Variants in ADK observed in about 807,000 individuals in gnomAD.
ADK encodes N6,N6-dimethyladenosine kinase.
Under a neutral mutation model 44.7 loss-of-function variants are expected in ADK, and 24 were observed. The ratio of observed to expected loss-of-function variants is 0.54; its 90% CI spans 0.39 to 0.76. The LOEUF is 0.76. Ranked by LOEUF, ADK falls within the 30% of genes least tolerant of loss-of-function variation. The pLI, the probability that ADK is intolerant of heterozygous loss-of-function variation, is 0.00. For synonymous variants in ADK, 128 were observed against 142.6 expected (o/e 0.90, Z 0.73); for missense variants, 321 against 425.1 (o/e 0.76, Z 2.15).
At chr10:74,390,474 TCCA>T (rs931956227) in intron 4 of ADK, among the ~76,000 whole-genome samples, 45 of 152,274 alleles carry the variant, frequency 3.0e-4, no homozygotes, top group African/African-American at 1.0e-3. Flanking sequence ...TTCACATTGA[TCCA>T]CCAATTGTTA....
chr10:74,439,142 C>A (rs1393350658), intron 6 of ADK, among the ~76,000 whole-genome samples: 2 of 152,192 alleles, frequency 1.3e-5, no homozygotes, highest in Non-Finnish European at 1.5e-5. Context: ...TAAAGTTTAT[C>A]AAAAAGGATT....
intron 6 of ADK, among the ~76,000 whole-genome samples, chr10:74,468,984 T>A (rs545361928): frequency 2.6e-5 from 4 of 151,948 alleles, no homozygotes; most frequent in East Asian, 1.9e-4. Flanking sequence ...TGTGTGTGTG[T>A]GAGAGAGAGA....
intron 1 of ADK, among the ~76,000 whole-genome samples, chr10:74,172,689 CAAA>C (rs67914966): frequency 4.7e-4 from 31 of 66,292 alleles, no homozygotes; most frequent in East Asian, 3.8e-3. Flanking sequence ...AACTCCATCT[CAAA>C]AAAAAAAAAA....
chr10:74,598,441 C>T (rs10824209), intron 8 of ADK, among the ~76,000 whole-genome samples: 33,234 of 111,688 alleles, frequency 0.3, 6,939 homozygotes, highest in East Asian at 0.64. Flanking sequence ...AATCTTATTC[C>T]TTTTTTTTTT....
At chr10:74,300,044 TTCG>T (rs1839948564) in intron 3 of ADK, among the ~76,000 whole-genome samples, 2 of 151,694 alleles carry the variant, frequency 1.3e-5, no homozygotes, top group South Asian at 2.1e-4. Context: ...TTTCTTCTTC[TTCG>T]TCTTCTTTTT....
chr10:74,296,044 T>A (rs115792916), intron 3 of ADK, among the ~76,000 whole-genome samples: 1,796 of 150,496 alleles, frequency 0.012, 42 homozygotes, highest in African/African-American at 0.041. Context: ...ATGTATGTTT[T>A]CTATTTCCAC....
At chr10:74,689,843 A>T (rs1365579936) in intron 10 of ADK, among the ~76,000 whole-genome samples, 1 of 152,134 alleles carries the variant, frequency 6.6e-6, no homozygotes, top group East Asian at 1.9e-4. Context: ...AAACTTGTTT[A>T]TTTTTCTTCT....
chr10:74,506,044 C>T (rs1848061264), intron 6 of ADK: 1 of 152,278 alleles, frequency 6.6e-6, no homozygotes, highest in Non-Finnish European at 1.5e-5. Context: ...CCTTTGCTGA[C>T]ATTAAATTCT....
chr10:74,590,022 G>A (rs1457983226), intron 8 of ADK, among the ~76,000 whole-genome samples: 1 of 152,064 alleles, frequency 6.6e-6, no homozygotes, highest in African/African-American at 2.4e-5. Flanking sequence ...GGTTGTTGTT[G>A]GCAAAACTGA....
chr10:74,548,843 G>T (rs1423207305), intron 7 of ADK, among the ~76,000 whole-genome samples: 1 of 152,172 alleles, frequency 6.6e-6, no homozygotes, highest in Admixed American at 6.6e-5. Flanking sequence ...ATAAAGCCAG[G>T]CAACTTGGGA....
At chr10:74,432,265 A>G (rs1845027583) in intron 6 of ADK, among the ~76,000 whole-genome samples, 1 of 152,082 alleles carries the variant, frequency 6.6e-6, no homozygotes, top group African/African-American at 2.4e-5. Flanking sequence ...CTAACCCCCA[A>G]CATAATCCTT....
intron 3 of ADK, among the ~76,000 whole-genome samples, chr10:74,273,216 G>A (rs1035984616): frequency 6.6e-6 from 1 of 151,872 alleles, no homozygotes; most frequent in Non-Finnish European, 1.5e-5. Context: ...GCTCCTTCAG[G>A]CTCTACCTCA....
At chr10:74,686,779 C>T (rs902991043) in intron 10 of ADK, among the ~76,000 whole-genome samples, 2 of 152,044 alleles carry the variant, frequency 1.3e-5, no homozygotes, top group African/African-American at 4.8e-5. Flanking sequence ...CGGGTTCAAG[C>T]GATTACCCTG....
intron 6 of ADK, among the ~76,000 whole-genome samples, chr10:74,463,633 G>T (rs771544562): frequency 2.0e-5 from 3 of 152,180 alleles, no homozygotes; most frequent in African/African-American, 2.4e-5. Context: ...ACAGGCCATG[G>T]ATTTGTATCC....
chr10:74,267,754 T>TGTGTGTGTGTG (rs1846265534), intron 3 of ADK, among the ~76,000 whole-genome samples: 1 of 132,734 alleles, frequency 7.5e-6, no homozygotes, highest in Non-Finnish European at 1.6e-5. Context: ...ATATCCTTAT[T>TGTGTGTGTGTG]TGTGTGTGTG....
chr10:74,653,854 C>A (rs1187379609), intron 9 of ADK, among the ~76,000 whole-genome samples: 1 of 152,186 alleles, frequency 6.6e-6, no homozygotes, highest in African/African-American at 2.4e-5. Flanking sequence ...AAATTGACTT[C>A]ATACTTAGGG....
At chr10:74,678,894 A>G (rs1855500337) in intron 10 of ADK, among the ~76,000 whole-genome samples, 2 of 152,304 alleles carry the variant, frequency 1.3e-5, no homozygotes, top group South Asian at 2.1e-4. Flanking sequence ...AATCTGGTCA[A>G]TTTTACCTGT....
At chr10:74,431,999 C>T (rs1845017284) in intron 6 of ADK, among the ~76,000 whole-genome samples, 1 of 151,860 alleles carries the variant, frequency 6.6e-6, no homozygotes, top group Admixed American at 6.6e-5. Flanking sequence ...TAAGACGAGC[C>T]TGGTCAACAT....
chr10:74,537,595 G>GT (rs896105657), intron 7 of ADK, among the ~76,000 whole-genome samples: 11 of 152,020 alleles, frequency 7.2e-5, no homozygotes, highest in Admixed American at 1.3e-4. Flanking sequence ...AATTAAGAAG[G>GT]TTTTTTTAAA....
Sources: allele counts gnomAD v4.1 joint callset (sites outside exome capture counted in the v4.1 genomes callset), GRCh38; gene constraint gnomAD v4.1.1; transcripts MANE v1.5; gene names NCBI Gene and HGNC (gene_info 2026-07-23, HGNC 2026-07-21).